EYA1: variants seen among roughly 807,000 people sequenced by gnomAD.
EYA1 encodes the protein EYA transcriptional coactivator and phosphatase 1.
EYA1 carries 16 observed loss-of-function variants against 82.0 expected under a neutral mutation model. That is an observed-to-expected ratio of 0.20 (90% CI 0.13 to 0.30). The LOEUF (loss-of-function observed/expected upper bound fraction) is 0.30. Ranked by LOEUF, EYA1 falls within the 10% of genes least tolerant of loss-of-function variation. The probability of loss-of-function intolerance (pLI) is 1.00; values close to 1 mark genes in which losing one functional copy is unlikely to be tolerated. For missense variants in EYA1, 633 were observed against 730.7 expected (o/e 0.87, Z 1.54); for synonymous variants, 261 against 264.4 (o/e 0.99, Z 0.12).
chr8:71,339,573 C>CTAT (rs1824892113), intron 3 of EYA1, among the ~76,000 whole-genome samples: 1 of 152,106 alleles, frequency 6.6e-6, no homozygotes, highest in Admixed American at 6.6e-5. Flanking sequence ...TCCACACCAA[C>CTAT]TATTTCCCTT....
At chr8:71,501,249 G>C (rs1811787244) in intron 2 of EYA1, among the ~76,000 whole-genome samples, 1 of 152,196 alleles carries the variant, frequency 6.6e-6, no homozygotes, top group Non-Finnish European at 1.5e-5. Flanking sequence ...AAGGAAGCCG[G>C]GGTCCCCTAG....
upstream of EYA1, among the ~76,000 whole-genome samples, chr8:71,363,210 T>C (rs1234120508): frequency 6.6e-6 from 1 of 152,160 alleles, no homozygotes; most frequent in Admixed American, 6.5e-5. Context: ...AAAATCACAA[T>C]AACTTTTTGC....
intron 9 of EYA1, among the ~76,000 whole-genome samples, chr8:71,273,792 C>G (rs959836882): frequency 2.6e-5 from 4 of 152,178 alleles, no homozygotes. Context: ...AGCTCTCTGG[C>G]TTTTGGAAGT....
chr8:71,534,368 GA>G (rs1196678330), intron 2 of EYA1, among the ~76,000 whole-genome samples: 1 of 152,206 alleles, frequency 6.6e-6, no homozygotes, highest in Non-Finnish European at 1.5e-5. Context: ...TACATGATAC[GA>G]AGTGATCTCA....
chr8:71,237,202 C>T (rs1169579724), intron 12 of EYA1, among the ~76,000 whole-genome samples: 2 of 152,120 alleles, frequency 1.3e-5, no homozygotes, highest in East Asian at 3.9e-4. Context: ...CAGGCTCACA[C>T]TACCATGCCC....
chr8:71,238,059 T>C (rs948668626), intron 12 of EYA1, among the ~76,000 whole-genome samples: 10 of 152,182 alleles, frequency 6.6e-5, no homozygotes, highest in Non-Finnish European at 1.2e-4. Flanking sequence ...TATTTCCAAA[T>C]GGCCATCTGA....
At chr8:71,333,924 T>C (rs1474934233) in intron 4 of EYA1, among the ~76,000 whole-genome samples, 173 bp downstream of exon 4, 1 of 152,198 alleles carries the variant, frequency 6.6e-6, no homozygotes, top group East Asian at 1.9e-4. Context: ...AAAAACAGAA[T>C]TGGTAATATG....
At chr8:71,529,921 T>A (rs1814133312) in intron 2 of EYA1, 1 of 152,140 alleles carries the variant, frequency 6.6e-6, no homozygotes. Context: ...CCACATAAAC[T>A]AGAGTTATTC....
chr8:71,372,487 G>A (rs1040235228), intron 2 of EYA1, among the ~76,000 whole-genome samples: 1 of 152,038 alleles, frequency 6.6e-6, no homozygotes, highest in African/African-American at 2.4e-5. Flanking sequence ...ATTAAATTTA[G>A]GAAGCAAACC....
At chr8:71,458,446 C>A (rs1475757383) in intron 2 of EYA1, among the ~76,000 whole-genome samples, 1 of 151,386 alleles carries the variant, frequency 6.6e-6, no homozygotes, top group Non-Finnish European at 1.5e-5. Flanking sequence ...TCTTAGAGTT[C>A]ATTACCTCAC....
chr8:71,381,463 AGAG>A (rs1828697604), intron 2 of EYA1, among the ~76,000 whole-genome samples: 1 of 152,222 alleles, frequency 6.6e-6, no homozygotes, highest in Non-Finnish European at 1.5e-5. Flanking sequence ...GAAAAAGGAA[AGAG>A]GAGAATATAA....
chr8:71,481,862 G>A (rs981742291), intron 2 of EYA1, among the ~76,000 whole-genome samples: 7 of 151,968 alleles, frequency 4.6e-5, no homozygotes, highest in Non-Finnish European at 1.0e-4. Flanking sequence ...AGGAGAGGAG[G>A]GGCAAGAGGA....
At chr8:71,348,563 C>A (rs1044032200) in intron 3 of EYA1, among the ~76,000 whole-genome samples, 2 of 152,192 alleles carry the variant, frequency 1.3e-5, no homozygotes, top group African/African-American at 4.8e-5. Context: ...CTCTAGAAAC[C>A]CTGAGCCTAG....
intron 2 of EYA1, among the ~76,000 whole-genome samples, chr8:71,401,651 C>T (rs950018000): frequency 4.6e-5 from 7 of 152,164 alleles, no homozygotes; most frequent in African/African-American, 1.7e-4. Context: ...TCCATTGCCT[C>T]AGTTTCTTCA....
chr8:71,523,605 A>C (rs1036668084), intron 2 of EYA1, among the ~76,000 whole-genome samples: 12 of 152,234 alleles, frequency 7.9e-5, no homozygotes, highest in Admixed American at 2.0e-4. Flanking sequence ...TGCTCAAAGT[A>C]ATGAGAAGTT....
At chr8:71,204,284 T>C (rs946766196) in intron 17 of EYA1, 1 of 152,224 alleles carries the variant, frequency 6.6e-6, no homozygotes, top group African/African-American at 2.4e-5. Flanking sequence ...ATCTGATATT[T>C]AGCATTTATA....
intron 2 of EYA1, among the ~76,000 whole-genome samples, chr8:71,459,592 A>G (rs1808214925): frequency 1.3e-5 from 2 of 151,990 alleles, no homozygotes; most frequent in African/African-American, 4.8e-5. Context: ...TTTTCTTAGC[A>G]TTATTTGCTA....
intron 2 of EYA1, among the ~76,000 whole-genome samples, chr8:71,394,471 A>G (rs1271349173): frequency 6.6e-6 from 1 of 152,116 alleles, no homozygotes; most frequent in Non-Finnish European, 1.5e-5. Flanking sequence ...TTTTTGTATA[A>G]GGTGTAAGGA....
Position 71,199,323 on chromosome 8 carries a change from CAAAGTGCCGAGCGCTGTT to C in EYA1, c.1778_*16del. ...TGGTCACAGAGCAGCTGTGCGCTGT[CAAAGTGCCGAGCGCTGTT>C]ACAGGTACTCCAGTTCCAAGGCATG... is the stretch of plus-strand genomic sequence containing the variant. On this transcript the variant is annotated stop_retained_variant and 3_prime_UTR_variant, in exon 18 of 18. Coordinates refer to ENST00000340726, the MANE Select transcript of EYA1 (RefSeq NM_000503.6). The C allele has an allele frequency of 6.3e-7, 1 of 1,587,876 alleles. No homozygotes were observed. Among genetic ancestry groups the C allele is most frequent in the Non-Finnish European group, 8.6e-7 (1 of 1,159,464 alleles).
Sources: gnomAD v4.1 joint callset for allele counts (sites outside exome capture counted in the v4.1 genomes callset) on GRCh38, gnomAD v4.1.1 for gene constraint, MANE v1.5 for transcripts, NCBI Gene and HGNC (gene_info 2026-07-23, HGNC 2026-07-21) for gene names.